CSMD1: variants seen among roughly 807,000 people sequenced by gnomAD.
CSMD1 encodes CUB and Sushi multiple domains 1.
Under a neutral mutation model 417.5 loss-of-function variants are expected in CSMD1, and 213 were observed. That is an observed-to-expected ratio of 0.51 (90% confidence interval 0.46 to 0.57). The LOEUF is 0.57. Ranked by LOEUF, CSMD1 falls within the 20% of genes least tolerant of loss-of-function variation. The pLI is 0.00. For synonymous variants in CSMD1, 2,862 were observed against 1,736.8 expected, an observed-to-expected ratio of 1.65 and a Z score of -16.11; for missense variants, 6,923 against 4,529.7, an observed-to-expected ratio of 1.53 and a Z score of -15.17.
chr8:3,727,603 T>A (rs962361023), intron 6 of CSMD1, among the ~76,000 whole-genome samples: 2 of 152,204 alleles, frequency 1.3e-5, no homozygotes, highest in Admixed American at 1.3e-4. Flanking sequence ...GATACTGCAA[T>A]TCGACTTTTG....
rs907246434 is a variant in CSMD1 at position 4,611,660 on chromosome 8, G to C, written c.302+25682C>G. On this transcript the variant is annotated intron_variant, in intron 2 of 69. Coordinates refer to ENST00000635120, the MANE Select transcript of CSMD1 (RefSeq NM_033225.6). ...GTCATTTTGTTAAGAGAAAAAGTGTGTCTTGTGTTCATTTACTGTGTGTTT... is the reference window on the plus strand; with the variant it reads ...GTCATTTTGTTAAGAGAAAAAGTGTCTCTTGTGTTCATTTACTGTGTGTTT... Among the ~76,000 whole-genome samples, 3 of 152,088 alleles carry C rather than the reference G, an allele frequency of 2.0e-5. No individual in the cohort carries two copies. The East Asian group carries it at 5.8e-4, about 29-fold the overall frequency.
chr8:4,356,525 T>C (rs1280422007), intron 3 of CSMD1, among the ~76,000 whole-genome samples: 1 of 152,234 alleles, frequency 6.6e-6, no homozygotes, highest in Non-Finnish European at 1.5e-5. Flanking sequence ...TGTTCTTTTG[T>C]TGAAGTCTTA....
intron 4 of CSMD1, among the ~76,000 whole-genome samples, chr8:4,026,156 C>T (rs1403884423): frequency 2.6e-5 from 4 of 152,122 alleles, no homozygotes; most frequent in African/African-American, 4.8e-5. Flanking sequence ...AAATATGTCA[C>T]ATTTACACAT....
Position 3,556,408 on chromosome 8 carries a change from T to TACACACACACAC in CSMD1, c.1344+18536_1344+18537insGTGTGTGTGTGT, listed in dbSNP as rs1308023639. Among the ~76,000 whole-genome samples the TACACACACACAC allele has an allele frequency of 1.5e-5, 2 of 134,636 alleles. 1 individual carries two copies. Among genetic ancestry groups the TACACACACACAC allele is most frequent in the African/African-American group, 6.6e-5 (2 of 30,304 alleles). 88.3% of individuals were successfully genotyped at this position (134,636 alleles called of 152,430 possible). Reference sequence around the variant, plus strand: ...ATAATAATTAATATATATATATATATATATATTCACACACACAAAGAATTT... The same window carrying TACACACACACAC: ...ATAATAATTAATATATATATATATATACACACACACACATATATTCACACACACAAAGAATTT... On this transcript the variant is annotated intron_variant, in intron 10 of 69. Coordinates refer to ENST00000635120, the MANE Select transcript of CSMD1 (RefSeq NM_033225.6).
intron 28 of CSMD1, among the ~76,000 whole-genome samples, chr8:3,221,839 A>G (rs1343579684): frequency 1.3e-5 from 2 of 152,072 alleles, no homozygotes; most frequent in Non-Finnish European, 2.9e-5. Flanking sequence ...CTGGGAGCCC[A>G]TATGTCCTTC....
intron 10 of CSMD1, among the ~76,000 whole-genome samples, chr8:3,505,769 T>C (rs1796798057): frequency 6.6e-6 from 1 of 152,162 alleles, no homozygotes; most frequent in South Asian, 2.1e-4. Flanking sequence ...AACAGGCTAT[T>C]TTATGTGAGA....
At chr8:4,016,167 C>T (rs559615962) in intron 4 of CSMD1, among the ~76,000 whole-genome samples, 27 of 152,080 alleles carry the variant, frequency 1.8e-4, no homozygotes, top group African/African-American at 6.5e-4. Flanking sequence ...AAGCATTGAA[C>T]GTTCATAACG....
intron 3 of CSMD1, among the ~76,000 whole-genome samples, chr8:4,130,480 T>C (rs1359272573): frequency 3.9e-5 from 6 of 152,208 alleles, no homozygotes; most frequent in Admixed American, 3.9e-4. Flanking sequence ...CTTTTGAGTG[T>C]ACCCTGAGGC....
At chr8:3,787,537 T>C (rs1182174471) in intron 5 of CSMD1, among the ~76,000 whole-genome samples, 1 of 152,198 alleles carries the variant, frequency 6.6e-6, no homozygotes, top group Non-Finnish European at 1.5e-5. Context: ...AAAATATTCA[T>C]ATCCATGAAT....
intron 1 of CSMD1, among the ~76,000 whole-genome samples, chr8:4,720,948 C>T (rs545522126): frequency 3.8e-4 from 58 of 152,232 alleles, no homozygotes; most frequent in Non-Finnish European, 7.1e-4. Context: ...TTCACCAGCT[C>T]TTAAGCTTGC....
intron 50 of CSMD1, among the ~76,000 whole-genome samples, chr8:3,037,991 A>T (rs1184088026): frequency 6.6e-6 from 1 of 152,018 alleles, no homozygotes; most frequent in Non-Finnish European, 1.5e-5. Context: ...AGCTTCTAAA[A>T]CCTTCAGAAA....
intron 51 of CSMD1, among the ~76,000 whole-genome samples, chr8:3,027,524 T>G (rs1299471855): frequency 6.6e-6 from 1 of 152,190 alleles, no homozygotes; most frequent in Admixed American, 6.5e-5. Flanking sequence ...AAGTCAACAA[T>G]GATTTCAGCT....
At chr8:3,975,836 A>C (rs992846376) in intron 5 of CSMD1, among the ~76,000 whole-genome samples, 2 of 152,214 alleles carry the variant, frequency 1.3e-5, no homozygotes, top group African/African-American at 2.4e-5. Context: ...TCTTCATATA[A>C]AATTTTTAGT....
rs568763070 is a variant in CSMD1, at chr8:3,046,022, A to G, written c.7660+6440T>C. 1.6e-4 allele frequency among the ~76,000 whole-genome samples: 25 copies of G among 152,320 alleles called. No homozygotes were observed. The East Asian group carries it at 4.2e-3, about 26-fold the overall frequency. On this transcript the variant is annotated intron_variant, in intron 50 of 69. Coordinates refer to ENST00000635120, the MANE Select transcript of CSMD1 (RefSeq NM_033225.6). Reference sequence around the variant, plus strand: ...CACACACGATGTGGGTGGGGCTCCAAGTCGGCCTCTTTATCATACCTGACT... The same window carrying G: ...CACACACGATGTGGGTGGGGCTCCAGGTCGGCCTCTTTATCATACCTGACT...
chr8:3,597,774 G>A (rs544929856), intron 8 of CSMD1, among the ~76,000 whole-genome samples: 1 of 152,128 alleles, frequency 6.6e-6, no homozygotes, highest in South Asian at 2.1e-4. Flanking sequence ...CTCATAAGTG[G>A]GAGTTGAACA....
chr8:4,462,734 A>C lies in CSMD1; in HGVS notation c.303-42669T>G, dbSNP rs570030815. Among the ~76,000 whole-genome samples the C allele has an allele frequency of 7.2e-5, 11 of 152,322 alleles. No homozygotes were observed. In the East Asian group the frequency reaches 1.9e-3, roughly 27 times the overall value. ...TGACAAGATGCCAAAACAATCAAGA[A>C]AAAAATAGTTTTTCAATAAATGGTG... On this transcript the variant is annotated intron_variant, in intron 2 of 69. Transcript: ENST00000635120.
At chr8:4,424,598 G>A (rs566441938) in intron 2 of CSMD1, among the ~76,000 whole-genome samples, 5 of 152,164 alleles carry the variant, frequency 3.3e-5, no homozygotes, top group African/African-American at 1.2e-4. Context: ...TATACTGCTG[G>A]TGGAAATATA....
chr8:4,802,362 TG>T (rs1798345948), intron 1 of CSMD1, among the ~76,000 whole-genome samples: 1 of 151,884 alleles, frequency 6.6e-6, no homozygotes, highest in Non-Finnish European at 1.5e-5. Context: ...CGTGTGTGTG[TG>T]TGTGTGTGTG....
At chr8:4,907,557 T>A (rs574622257) in intron 1 of CSMD1, among the ~76,000 whole-genome samples, 1 of 151,972 alleles carries the variant, frequency 6.6e-6, no homozygotes, top group Non-Finnish European at 1.5e-5. Flanking sequence ...TTTCTTTTTG[T>A]TGTTGTTTTA....
Sources: gnomAD v4.1 joint callset for allele counts (sites outside exome capture counted in the v4.1 genomes callset) on GRCh38, gnomAD v4.1.1 for gene constraint, MANE v1.5 for transcripts, NCBI Gene and HGNC (gene_info 2026-07-23, HGNC 2026-07-21) for gene names.